The following STK32B variants were observed in gnomAD, a reference collection of about 807,000 sequenced individuals.
The protein encoded by STK32B is serine/threonine-protein kinase 32B.
A neutral mutation model predicts 52.6 loss-of-function variants in STK32B; 43 were observed. The observed-to-expected ratio is 0.82, with a 90% confidence interval of 0.64 to 1.05. STK32B has a LOEUF of 1.05. Among genes scored for constraint, STK32B ranks in the 50% least tolerant of loss-of-function variants. STK32B has a pLI of 0.00. For synonymous variants in STK32B, 238 were observed against 204.3 expected (o/e 1.17, Z -1.41); for missense variants, 621 against 534.6 (o/e 1.16, Z -1.59).
At chr4:5,271,304 T>A (rs1316205052) in intron 3 of STK32B, among the ~76,000 whole-genome samples, 1 of 152,056 alleles carries the variant, frequency 6.6e-6, no homozygotes, top group African/African-American at 2.4e-5. Context: ...GATAAACATG[T>A]AAAAAAATTA....
At chr4:5,285,563 G>GA (rs1728494543) in intron 3 of STK32B, among the ~76,000 whole-genome samples, 1 of 152,110 alleles carries the variant, frequency 6.6e-6, no homozygotes, top group African/African-American at 2.4e-5. Context: ...AGGATCCTGA[G>GA]AATAACCATA....
At chr4:5,466,313 G>A (rs767365590) in intron 9 of STK32B, among the ~76,000 whole-genome samples, 1 of 152,144 alleles carries the variant, frequency 6.6e-6, no homozygotes, top group Non-Finnish European at 1.5e-5. Flanking sequence ...AGCTGAAATT[G>A]TATTCTTAAG....
intron 3 of STK32B, among the ~76,000 whole-genome samples, chr4:5,316,915 GATATAATAT>G (rs1213951670): frequency 1.6e-3 from 7 of 4,322 alleles, no homozygotes; most frequent in East Asian, 0.014. Context: ...TAATATATAT[GATATAATAT>G]ATATAATATA....
chr4:5,161,461 CTGT>C (rs1718440144), intron 2 of STK32B, among the ~76,000 whole-genome samples: 1 of 152,144 alleles, frequency 6.6e-6, no homozygotes, highest in African/African-American at 2.4e-5. Context: ...CAAGGGGCTG[CTGT>C]TGTTCCAGAC....
At chr4:5,175,120 CGTA>C (rs1560198579) in intron 3 of STK32B, among the ~76,000 whole-genome samples, 1 of 152,172 alleles carries the variant, frequency 6.6e-6, no homozygotes, top group African/African-American at 2.4e-5. Flanking sequence ...GCATTCGTCA[CGTA>C]GTTCTCGTGC....
intron 3 of STK32B, among the ~76,000 whole-genome samples, chr4:5,214,902 G>A (rs1041898297): frequency 2.6e-5 from 4 of 152,192 alleles, no homozygotes; most frequent in African/African-American, 9.7e-5. Flanking sequence ...TTTATCTTGG[G>A]AGAAATCTGA....
chr4:5,322,657 G>C (rs1297611359), intron 3 of STK32B, among the ~76,000 whole-genome samples: 1 of 152,198 alleles, frequency 6.6e-6, no homozygotes, highest in Non-Finnish European at 1.5e-5. Context: ...ACTAAGAAAG[G>C]TCTAGGGTTT....
At chr4:5,066,392 C>T (rs1168638223) in intron 1 of STK32B, among the ~76,000 whole-genome samples, 1 of 152,204 alleles carries the variant, frequency 6.6e-6, no homozygotes, top group Non-Finnish European at 1.5e-5. Flanking sequence ...TCCCTGTCTT[C>T]TCTTGCACTT....
chr4:5,038,211 C>A, the STK32B span, among the ~76,000 whole-genome samples: 1 of 152,168 alleles, frequency 6.6e-6, no homozygotes, highest in East Asian at 1.9e-4. Context: ...TTCATTCTTT[C>A]ATTTTGCTGA....
intron 4 of STK32B, among the ~76,000 whole-genome samples, chr4:5,361,927 G>T (rs1225147781): frequency 6.6e-6 from 1 of 152,216 alleles, no homozygotes; most frequent in Non-Finnish European, 1.5e-5. Context: ...CAGCATTGCA[G>T]TTTGGAAGAT....
chr4:5,142,612 G>A lies in STK32B; in HGVS notation c.108+2652G>A, dbSNP rs547111206. 5.3e-5 allele frequency among the ~76,000 whole-genome samples: 8 copies of A among 152,298 alleles called. No homozygotes were observed. In the South Asian group the frequency reaches 1.2e-3, roughly 24 times the overall value. On this transcript the variant is annotated intron_variant, in intron 2 of 11. Coordinates refer to ENST00000282908, the MANE Select transcript of STK32B (RefSeq NM_018401.3). ...AGACATTCACTGGGCCACTGAAGGG[G>A]CCATGTGCTCCATTAGACACTGTTT...
chr4:5,024,745 A>G, the STK32B span, among the ~76,000 whole-genome samples: 3 of 152,214 alleles, frequency 2.0e-5, no homozygotes, highest in Non-Finnish European at 4.4e-5. Context: ...TGCCCACGTT[A>G]GAGCAAGCCA....
intron 3 of STK32B, among the ~76,000 whole-genome samples, chr4:5,210,688 A>G (rs2108785575): frequency 6.6e-6 from 1 of 152,366 alleles, no homozygotes; most frequent in South Asian, 2.1e-4. Flanking sequence ...AAAAACAGAT[A>G]AATGGGCATT....
chr4:5,117,203 C>T (rs1358309667), intron 1 of STK32B, among the ~76,000 whole-genome samples: 1 of 152,166 alleles, frequency 6.6e-6, no homozygotes, highest in African/African-American at 2.4e-5. Flanking sequence ...GAGTGAGCAT[C>T]CCTGTCTTGT....
rs763281677 is a variant in STK32B, at chr4:5,051,854, A to T, written c.-10A>T. 6.3e-7 allele frequency: 1 copy of T among 1,595,440 alleles called. No individual in the cohort carries two copies. On this transcript the variant is annotated 5_prime_UTR_variant, in exon 1 of 12. Transcript: ENST00000282908. ...GGCCGGGCATGTAGCAGCGGCAGCA[A>T]CGGCGGAATATGGGCGGGAACCACT... is the stretch of plus-strand genomic sequence containing the variant.
chr4:5,483,581 A>C (rs1283854532), intron 11 of STK32B, among the ~76,000 whole-genome samples: 2 of 151,678 alleles, frequency 1.3e-5, no homozygotes, highest in African/African-American at 2.4e-5. Flanking sequence ...TTGTGTCTCT[A>C]TTTCCTTCAG....
At chr4:5,079,643 G>A (rs1260211352) in intron 1 of STK32B, among the ~76,000 whole-genome samples, 1 of 152,050 alleles carries the variant, frequency 6.6e-6, no homozygotes, top group East Asian at 1.9e-4. Context: ...AGAGGCCTAG[G>A]TCAAAATTTT....
intron 6 of STK32B, among the ~76,000 whole-genome samples, chr4:5,423,591 A>G (rs1270145956): frequency 2.0e-5 from 3 of 152,208 alleles, no homozygotes; most frequent in Non-Finnish European, 4.4e-5. Context: ...GGGAACACAG[A>G]GCCAAATCCA....
intron 11 of STK32B, among the ~76,000 whole-genome samples, chr4:5,480,238 G>C (rs1033567045): frequency 6.6e-6 from 1 of 152,160 alleles, no homozygotes; most frequent in African/African-American, 2.4e-5. Flanking sequence ...GTCAAACTCT[G>C]TAAAATATTT....
Sources: allele counts gnomAD v4.1 joint callset (sites outside exome capture counted in the v4.1 genomes callset), GRCh38; gene constraint gnomAD v4.1.1; transcripts MANE v1.5; gene names NCBI Gene and HGNC (gene_info 2026-07-23, HGNC 2026-07-21).